Variants in SMYD3 observed in about 807,000 individuals in gnomAD.
The protein encoded by SMYD3 is SET and MYND domain containing 3.
Under a neutral mutation model 57.7 loss-of-function variants are expected in SMYD3, and 36 were observed. The observed-to-expected ratio is 0.62, with a 90% CI of 0.48 to 0.82. The LOEUF (loss-of-function observed/expected upper bound fraction) is 0.82. Among genes scored for constraint, SMYD3 ranks in the 40% least tolerant of loss-of-function variants. The probability of loss-of-function intolerance (pLI) is 0.00; values close to 1 mark genes in which losing one functional copy is unlikely to be tolerated. For synonymous variants in SMYD3, 211 were observed against 195.0 expected (o/e 1.08, Z -0.68); for missense variants, 515 against 538.8 (o/e 0.96, Z 0.44).
intron 5 of SMYD3, among the ~76,000 whole-genome samples, chr1:246,232,159 T>C (rs1295805774): frequency 6.6e-6 from 1 of 152,236 alleles, no homozygotes; most frequent in Non-Finnish European, 1.5e-5. Context: ...GGAAGCTCTT[T>C]TGTGACATGA....
intron 5 of SMYD3, among the ~76,000 whole-genome samples, chr1:245,980,074 T>C (rs2058557861): frequency 6.6e-6 from 1 of 152,140 alleles, no homozygotes; most frequent in South Asian, 2.1e-4. Flanking sequence ...GGAATGATAG[T>C]GAAGTCGGCC....
At chr1:245,766,214 T>A (rs1336706820) in intron 10 of SMYD3, among the ~76,000 whole-genome samples, 3 of 151,066 alleles carry the variant, frequency 2.0e-5, no homozygotes, top group Non-Finnish European at 4.4e-5. Context: ...ACCAGCTTGG[T>A]GAATATGGTG....
At position 246,457,544 on chromosome 1, in the gene SMYD3, AAAAAGAAAAGAAAAG is replaced by A. The variant is rs1553351025; in HGVS notation, c.164+49495_164+49509del. ...CGAGACTCTGCCTCAAAAAAAAAAA[AAAAAGAAAAGAAAAG>A]AAAAGAAAAGAAAAGAAAAAGAAAA... On this transcript the variant is annotated intron_variant, in intron 1 of 11. Coordinates refer to ENST00000490107, the MANE Select transcript of SMYD3 (RefSeq NM_001167740.2). Among the ~76,000 whole-genome samples, 18 of 87,280 alleles carry A rather than the reference AAAAAGAAAAGAAAAG, an allele frequency of 2.1e-4. No individual in the cohort carries two copies. In the East Asian group the frequency reaches 2.7e-3, roughly 13 times the overall value. The allele number at this position is 87,280 out of a possible 152,430, so 57.3% of individuals were successfully genotyped here.
chr1:246,136,183 A>G (rs2061663363), intron 5 of SMYD3, among the ~76,000 whole-genome samples: 1 of 152,196 alleles, frequency 6.6e-6, no homozygotes, highest in Non-Finnish European at 1.5e-5. Context: ...CACATTCTGC[A>G]GAATTTAAAG....
intron 5 of SMYD3, among the ~76,000 whole-genome samples, chr1:245,932,840 G>T (rs114373099): frequency 0.012 from 1,832 of 152,284 alleles, 36 homozygotes; most frequent in African/African-American, 0.041. Context: ...GAGATTACAG[G>T]AGTGAGCCAT....
chr1:245,856,272 C>T (rs1436845964), intron 10 of SMYD3, among the ~76,000 whole-genome samples: 4 of 152,204 alleles, frequency 2.6e-5, no homozygotes, highest in Non-Finnish European at 5.9e-5. Flanking sequence ...ATAGCCTTTT[C>T]CTCAACTACA....
chr1:245,939,121 C>T (rs777209599), intron 5 of SMYD3, among the ~76,000 whole-genome samples: 59 of 148,150 alleles, frequency 4.0e-4, no homozygotes, highest in Non-Finnish European at 7.1e-4. Context: ...CCAGCCTCGG[C>T]GACAGAGCGA....
chr1:245,909,270 C>T (rs964590971), intron 8 of SMYD3, among the ~76,000 whole-genome samples: 8 of 152,002 alleles, frequency 5.3e-5, no homozygotes, highest in Non-Finnish European at 7.4e-5. Flanking sequence ...AAACAGAAAA[C>T]GTGAACAGAA....
chr1:245,960,977 G>A (rs1410709595), intron 5 of SMYD3, among the ~76,000 whole-genome samples: 1 of 152,028 alleles, frequency 6.6e-6, no homozygotes, highest in South Asian at 2.1e-4. Context: ...CCTTAAAATG[G>A]CAACATTTAA....
intron 11 of SMYD3, among the ~76,000 whole-genome samples, chr1:245,757,000 T>A (rs566184880): frequency 6.6e-6 from 1 of 152,232 alleles, no homozygotes; most frequent in East Asian, 1.9e-4. Flanking sequence ...ACACTAATAG[T>A]TACCATTTTA....
At chr1:246,234,536 T>A (rs1189542449) in intron 5 of SMYD3, among the ~76,000 whole-genome samples, 1 of 94,368 alleles carries the variant, frequency 1.1e-5, no homozygotes, top group African/African-American at 4.4e-5. Context: ...ATACACCGTA[T>A]AGAGGAGAAG....
At chr1:245,831,878 C>A (rs1335615857) in intron 10 of SMYD3, among the ~76,000 whole-genome samples, 1 of 152,182 alleles carries the variant, frequency 6.6e-6, no homozygotes, top group African/African-American at 2.4e-5. Context: ...ATCTTGGTTC[C>A]TAATTTGGGC....
At chr1:245,940,252 C>G (rs1327367164) in intron 5 of SMYD3, among the ~76,000 whole-genome samples, 2 of 152,212 alleles carry the variant, frequency 1.3e-5, no homozygotes, top group Non-Finnish European at 2.9e-5. Flanking sequence ...GAACTCCCCC[C>G]AGCGCAGTGC....
chr1:246,380,246 C>G (rs2066365435), intron 1 of SMYD3, among the ~76,000 whole-genome samples: 1 of 152,110 alleles, frequency 6.6e-6, no homozygotes, highest in Non-Finnish European at 1.5e-5. Context: ...GTTTTCAATA[C>G]AGGAGAAAAA....
At chr1:246,326,467 T>TAAA in intron 5 of SMYD3, 4 of 535,284 alleles carry the variant, frequency 7.5e-6, no homozygotes, top group South Asian at 4.5e-5. Context: ...CGGAATCATT[T>TAAA]AAAAAAAAAA....
chr1:246,435,879 T>G (rs1385368480), intron 1 of SMYD3, among the ~76,000 whole-genome samples: 1 of 150,558 alleles, frequency 6.6e-6, no homozygotes, highest in Non-Finnish European at 1.5e-5. Flanking sequence ...CACGTGGCAT[T>G]TGAATTTCCC....
At chr1:246,288,784 G>C (rs1280005514) in intron 5 of SMYD3, among the ~76,000 whole-genome samples, 1 of 152,140 alleles carries the variant, frequency 6.6e-6, no homozygotes, top group East Asian at 1.9e-4. Context: ...TCCCCAGATG[G>C]GCTGAGGTAA....
At chr1:246,371,407 CTA>C (rs2066189772) in intron 1 of SMYD3, among the ~76,000 whole-genome samples, 1 of 152,128 alleles carries the variant, frequency 6.6e-6, no homozygotes, top group Non-Finnish European at 1.5e-5. Flanking sequence ...CCTCTTCAGT[CTA>C]GTCTAGTAAC....
At chr1:246,114,096 G>A (rs1427796960) in intron 5 of SMYD3, among the ~76,000 whole-genome samples, 7 of 152,000 alleles carry the variant, frequency 4.6e-5, no homozygotes, top group Non-Finnish European at 1.0e-4. Context: ...CCATTATCAG[G>A]AGGAGAGAAA....
Sources: allele counts gnomAD v4.1 joint callset (sites outside exome capture counted in the v4.1 genomes callset), GRCh38; gene constraint gnomAD v4.1.1; transcripts MANE v1.5; gene names NCBI Gene and HGNC (gene_info 2026-07-23, HGNC 2026-07-21).